RIT2: variants seen among roughly 807,000 people sequenced by gnomAD.
The protein encoded by RIT2 is Ras like without CAAX 2.
Under a neutral mutation model 23.7 loss-of-function variants are expected in RIT2, and 24 were observed. That is an observed-to-expected ratio of 1.01 (90% CI 0.73 to 1.43). The LOEUF (loss-of-function observed/expected upper bound fraction) is 1.43. RIT2 is among the 40% of genes most tolerant of loss of function. The pLI, the probability that RIT2 is intolerant of heterozygous loss-of-function variation, is 0.00. For synonymous variants in RIT2, 107 were observed against 91.1 expected, an observed-to-expected ratio of 1.17 and a Z score of -0.99; for missense variants, 236 against 266.9, an observed-to-expected ratio of 0.88 and a Z score of 0.81.
intron 1 of RIT2, among the ~76,000 whole-genome samples, chr18:43,037,839 C>T (rs989769288): frequency 2.0e-5 from 3 of 152,048 alleles, no homozygotes; most frequent in African/African-American, 7.2e-5. Flanking sequence ...ACTGTTTGGT[C>T]TGTTTTTCTG....
intron 4 of RIT2, among the ~76,000 whole-genome samples, chr18:42,914,424 T>A (rs995754840): frequency 6.6e-6 from 1 of 152,048 alleles, no homozygotes; most frequent in Non-Finnish European, 1.5e-5. Flanking sequence ...AAACAAATTG[T>A]GATATATCCA....
chr18:42,770,710 GA>G (rs1329970264), intron 4 of RIT2, among the ~76,000 whole-genome samples: 15 of 151,710 alleles, frequency 9.9e-5, no homozygotes, highest in African/African-American at 3.4e-4. Flanking sequence ...CAATGGGTTG[GA>G]ACTTAAAATA....
At chr18:42,947,489 C>T (rs1330566288) in intron 3 of RIT2, among the ~76,000 whole-genome samples, 1 of 152,048 alleles carries the variant, frequency 6.6e-6, no homozygotes, top group South Asian at 2.1e-4. Flanking sequence ...CTTTATTAAC[C>T]TTTGTTACTG....
intron 1 of RIT2, among the ~76,000 whole-genome samples, chr18:43,058,642 T>G (rs1174154561): frequency 6.6e-6 from 1 of 152,102 alleles, no homozygotes; most frequent in Non-Finnish European, 1.5e-5. Flanking sequence ...ATTCCAGCAC[T>G]TTGGGAGGCC....
intron 4 of RIT2, among the ~76,000 whole-genome samples, chr18:42,887,995 A>C (rs1270243433): frequency 6.6e-6 from 1 of 152,072 alleles, no homozygotes; most frequent in Non-Finnish European, 1.5e-5. Flanking sequence ...TGGCTGCTGG[A>C]AGTTAGAGGA....
At chr18:43,105,773 T>C (rs923571704) in intron 1 of RIT2, among the ~76,000 whole-genome samples, 8 of 152,296 alleles carry the variant, frequency 5.3e-5, no homozygotes, top group African/African-American at 1.9e-4. Flanking sequence ...ATGTAATTAA[T>C]ATTCTGAGTA....
At position 42,747,927 on chromosome 18, in the gene RIT2, A is replaced by G. The variant is rs193172946; in HGVS notation, c.427-4207T>C. Among the ~76,000 whole-genome samples the G allele has an allele frequency of 9.1e-4, 138 of 152,260 alleles. 2 individuals carry two copies. The highest frequency in any genetic ancestry group is 3.2e-3 in the African/African-American group (132 of 41,574). On this transcript the variant is annotated intron_variant, in intron 4 of 4. Coordinates refer to ENST00000326695, the MANE Select transcript of RIT2 (RefSeq NM_002930.4). ...GGACTTAAATCTAAGATCTGAAAAC[A>G]TAAAAATTATAGAAGATAACACTGG... is the stretch of plus-strand genomic sequence containing the variant.
chr18:42,970,755 T>G (rs534526816), intron 3 of RIT2, among the ~76,000 whole-genome samples: 2 of 152,178 alleles, frequency 1.3e-5, no homozygotes, highest in Non-Finnish European at 1.5e-5. Flanking sequence ...TCAATCACAC[T>G]TCGCACTATT....
chr18:42,794,472 A>G (rs1297620539), intron 4 of RIT2, among the ~76,000 whole-genome samples: 1 of 152,252 alleles, frequency 6.6e-6, no homozygotes, highest in Non-Finnish European at 1.5e-5. Flanking sequence ...TGCATTAATT[A>G]CAATGCTTGC....
intron 4 of RIT2, among the ~76,000 whole-genome samples, chr18:42,862,119 T>C (rs953076809): frequency 4.6e-5 from 7 of 152,154 alleles, no homozygotes; most frequent in African/African-American, 1.4e-4. Context: ...CCAAAATTCA[T>C]CTCAAATTGC....
intron 2 of RIT2, among the ~76,000 whole-genome samples, chr18:43,005,502 GA>G (rs1230174265): frequency 6.6e-6 from 1 of 151,638 alleles, no homozygotes; most frequent in Non-Finnish European, 1.5e-5. Context: ...TTTCCATTAG[GA>G]GAACTCACTT....
chr18:42,775,423 A>G (rs963809774), intron 4 of RIT2, among the ~76,000 whole-genome samples: 2 of 152,134 alleles, frequency 1.3e-5, no homozygotes, highest in Non-Finnish European at 2.9e-5. Flanking sequence ...CCGGCAGGGC[A>G]TGGTGGCTGA....
chr18:43,104,831 G>T (rs1295241507), intron 1 of RIT2, among the ~76,000 whole-genome samples: 30 of 152,102 alleles, frequency 2.0e-4, no homozygotes, highest in Admixed American at 2.0e-3. Context: ...ACAAAAATCT[G>T]TATCCATGTA....
At chr18:42,749,354 C>T (rs1912992436) in intron 4 of RIT2, among the ~76,000 whole-genome samples, 1 of 151,726 alleles carries the variant, frequency 6.6e-6, no homozygotes, top group Admixed American at 6.6e-5. Context: ...GCATTACAAG[C>T]ATGTTTTTAA....
chr18:42,763,811 T>A (rs1332265091), intron 4 of RIT2, among the ~76,000 whole-genome samples: 1 of 152,230 alleles, frequency 6.6e-6, no homozygotes, highest in Non-Finnish European at 1.5e-5. Context: ...TTTTAAGTTT[T>A]TTCTATTTTA....
At chr18:43,025,491 T>C (rs1306304975) in intron 2 of RIT2, among the ~76,000 whole-genome samples, 2 of 152,094 alleles carry the variant, frequency 1.3e-5, no homozygotes, top group African/African-American at 4.8e-5. Flanking sequence ...GTATGTTTAT[T>C]GCAGCACTAT....
chr18:42,763,033 T>C (rs77054351), intron 4 of RIT2, among the ~76,000 whole-genome samples: 2,743 of 152,338 alleles, frequency 0.018, 85 homozygotes, highest in African/African-American at 0.063. Flanking sequence ...AGCTATATGA[T>C]ATAGCCTATT....
chr18:42,960,894 C>G (rs1398506226), intron 3 of RIT2, among the ~76,000 whole-genome samples: 2 of 152,136 alleles, frequency 1.3e-5, no homozygotes, highest in Admixed American at 6.6e-5. Context: ...ACAAGCCTCT[C>G]AAAACATTAT....
At chr18:43,005,260 ATAGT>A (rs1329077941) in intron 2 of RIT2, among the ~76,000 whole-genome samples, 1 of 151,858 alleles carries the variant, frequency 6.6e-6, no homozygotes, top group Non-Finnish European at 1.5e-5. Context: ...TGTAAACTAG[ATAGT>A]TATTGTAAAG....
Sources: allele counts gnomAD v4.1 joint callset (sites outside exome capture counted in the v4.1 genomes callset), GRCh38; gene constraint gnomAD v4.1.1; transcripts MANE v1.5; gene names NCBI Gene and HGNC (gene_info 2026-07-23, HGNC 2026-07-21).